ANKRD6: variants seen among roughly 807,000 people sequenced by gnomAD.
ANKRD6 encodes ankyrin repeat domain-containing protein 6.
Under a neutral mutation model 82.3 loss-of-function variants are expected in ANKRD6, and 56 were observed. The observed-to-expected ratio is 0.68, with a 90% CI of 0.55 to 0.85. The LOEUF (loss-of-function observed/expected upper bound fraction) is 0.85. Among genes scored for constraint, ANKRD6 ranks in the 40% least tolerant of loss-of-function variants. The pLI, the probability that ANKRD6 is intolerant of heterozygous loss-of-function variation, is 0.00. For synonymous variants in ANKRD6, 347 were observed against 352.1 expected, an observed-to-expected ratio of 0.99 and a Z score of 0.16; for missense variants, 852 against 907.6, an observed-to-expected ratio of 0.94 and a Z score of 0.79.
intron 1 of ANKRD6, among the ~76,000 whole-genome samples, chr6:89,443,469 A>G (rs779316368): frequency 3.1e-4 from 47 of 152,156 alleles, no homozygotes; most frequent in Middle Eastern, 3.4e-3. Flanking sequence ...GTGGTCCACA[A>G]ATTATTTTAT....
At chr6:89,610,032 A>AT (rs1799819782) in intron 5 of ANKRD6, among the ~76,000 whole-genome samples, 1 of 152,304 alleles carries the variant, frequency 6.6e-6, no homozygotes, top group Non-Finnish European at 1.5e-5. Flanking sequence ...TATTCAGCAG[A>AT]TGTAGCAGCT....
intron 1 of ANKRD6, among the ~76,000 whole-genome samples, chr6:89,486,710 G>A (rs988255923): frequency 5.3e-5 from 8 of 152,200 alleles, no homozygotes; most frequent in African/African-American, 1.7e-4. Context: ...CCGGGCTCAA[G>A]CGATCTCTTT....
intron 1 of ANKRD6, among the ~76,000 whole-genome samples, chr6:89,561,757 T>A (rs1787459651): frequency 1.3e-5 from 2 of 152,054 alleles, no homozygotes; most frequent in South Asian, 4.1e-4. Flanking sequence ...ACTAGTATGA[T>A]GGTTGTATAT....
At chr6:89,586,262 C>T (rs1180907095) in intron 2 of ANKRD6, among the ~76,000 whole-genome samples, 1 of 152,138 alleles carries the variant, frequency 6.6e-6, no homozygotes, top group Admixed American at 6.5e-5. Flanking sequence ...TTAACAGTTC[C>T]TGAAAAGGCA....
intron 1 of ANKRD6, among the ~76,000 whole-genome samples, chr6:89,479,822 G>GT (rs1319182424): frequency 6.6e-6 from 1 of 151,900 alleles, no homozygotes; most frequent in Non-Finnish European, 1.5e-5. Flanking sequence ...TAGAATTACA[G>GT]TATGAAAAAG....
At chr6:89,559,588 T>C (rs989414530) in intron 1 of ANKRD6, among the ~76,000 whole-genome samples, 2 of 152,130 alleles carry the variant, frequency 1.3e-5, no homozygotes, top group Non-Finnish European at 2.9e-5. Flanking sequence ...TAGAATTGGT[T>C]TTATTGTGAT....
intron 1 of ANKRD6, among the ~76,000 whole-genome samples, chr6:89,513,801 C>A (rs1206859433): frequency 6.6e-6 from 1 of 152,132 alleles, no homozygotes; most frequent in Non-Finnish European, 1.5e-5. Flanking sequence ...CAGAGACACA[C>A]AAAGAGAGAG....
Position 89,565,777 on chromosome 6 carries a change from T to C in ANKRD6, c.-143-1057T>C, listed in dbSNP as rs1235299964. ...TGGTAGGGTTTGGGTTGAAGGATGG[T>C]ATCTCTGTTGTAGCATTTTCTTTCC... On this transcript the variant is annotated intron_variant, in intron 1 of 15. Coordinates refer to ENST00000339746, the MANE Select transcript of ANKRD6 (RefSeq NM_001242809.2). 2.6e-5 allele frequency among the ~76,000 whole-genome samples: 4 copies of C among 152,242 alleles called. No individual in the cohort carries two copies. The South Asian group carries it at 6.2e-4, about 24-fold the overall frequency.
At chr6:89,471,445 G>T (rs1051903392) in intron 1 of ANKRD6, among the ~76,000 whole-genome samples, 1 of 151,570 alleles carries the variant, frequency 6.6e-6, no homozygotes, top group African/African-American at 2.4e-5. Flanking sequence ...TTGAAGCCAC[G>T]AGACTGGATG....
chr6:89,600,288 A>G (rs1796828408), intron 3 of ANKRD6, among the ~76,000 whole-genome samples: 1 of 152,160 alleles, frequency 6.6e-6, no homozygotes, highest in Non-Finnish European at 1.5e-5. Context: ...CATAATTTAG[A>G]GGGCAGCTTG....
intron 1 of ANKRD6, among the ~76,000 whole-genome samples, chr6:89,515,498 G>T (rs1781095272): frequency 6.6e-6 from 1 of 152,260 alleles, no homozygotes; most frequent in Middle Eastern, 3.4e-3. Context: ...GGTAGGATTG[G>T]TATGGTCGGC....
At chr6:89,474,694 G>A (rs542690159) in intron 1 of ANKRD6, among the ~76,000 whole-genome samples, 1 of 152,298 alleles carries the variant, frequency 6.6e-6, no homozygotes, top group African/African-American at 2.4e-5. Flanking sequence ...TGGGATTACA[G>A]GTGTGAGCCA....
At chr6:89,458,426 T>C (rs1773730748) in intron 1 of ANKRD6, among the ~76,000 whole-genome samples, 1 of 152,190 alleles carries the variant, frequency 6.6e-6, no homozygotes, top group African/African-American at 2.4e-5. Context: ...AGGAAGCCAG[T>C]GGTGGATCAG....
intron 1 of ANKRD6, among the ~76,000 whole-genome samples, chr6:89,558,751 CTCA>C (rs1016012125): frequency 7.1e-6 from 1 of 141,792 alleles, no homozygotes; most frequent in African/African-American, 2.6e-5. Context: ...TCAATATTGA[CTCA>C]TCAATTGTAA....
chr6:89,627,377 A>G (rs1225315047), intron 13 of ANKRD6, among the ~76,000 whole-genome samples: 13 of 152,254 alleles, frequency 8.5e-5, no homozygotes, highest in Admixed American at 8.5e-4. Flanking sequence ...GATTTTTTAA[A>G]AAACGAAACG....
intron 1 of ANKRD6, among the ~76,000 whole-genome samples, chr6:89,556,308 G>T (rs1369058978): frequency 1.3e-5 from 2 of 152,242 alleles, no homozygotes; most frequent in African/African-American, 4.8e-5. Flanking sequence ...AGAGCACAGA[G>T]AATTTAACCA....
chr6:89,437,961 T>C (rs1770858743), intron 1 of ANKRD6, among the ~76,000 whole-genome samples: 1 of 152,098 alleles, frequency 6.6e-6, no homozygotes, highest in Non-Finnish European at 1.5e-5. Context: ...CGCCCTACTA[T>C]TTTTGTATTT....
chr6:89,614,196 G>A (rs183277925), intron 7 of ANKRD6, among the ~76,000 whole-genome samples: 48 of 152,280 alleles, frequency 3.2e-4, no homozygotes, highest in African/African-American at 1.1e-3. Flanking sequence ...GAAAACCCAC[G>A]AGGAAGAATG....
chr6:89,530,392 T>TA (rs548906817), intron 1 of ANKRD6, among the ~76,000 whole-genome samples: 359 of 143,032 alleles, frequency 2.5e-3, no homozygotes, highest in African/African-American at 4.1e-3. Context: ...TCAATTTGTT[T>TA]AAAAAAAAAA....
Sources: gnomAD v4.1 joint callset for allele counts (sites outside exome capture counted in the v4.1 genomes callset) on GRCh38, gnomAD v4.1.1 for gene constraint, MANE v1.5 for transcripts, NCBI Gene and HGNC (gene_info 2026-07-23, HGNC 2026-07-21) for gene names.